The following SSH2 variants were observed in gnomAD, a reference collection of about 807,000 sequenced individuals.
SSH2 encodes the protein protein phosphatase Slingshot homolog 2.
A neutral mutation model predicts 135.2 loss-of-function variants in SSH2; 37 were observed. The ratio of observed to expected loss-of-function variants is 0.27; its 90% CI spans 0.21 to 0.36. The LOEUF is 0.36. Ranked by LOEUF, SSH2 falls within the 10% of genes least tolerant of loss-of-function variation. The pLI is 1.00. For synonymous variants in SSH2, 628 were observed against 646.2 expected (o/e 0.97, Z 0.43); for missense variants, 1,408 against 1,765.3 (o/e 0.80, Z 3.63).
chr17:29,858,421 A>C (rs1157279962), intron 1 of SSH2, among the ~76,000 whole-genome samples: 1 of 152,228 alleles, frequency 6.6e-6, no homozygotes, highest in Non-Finnish European at 1.5e-5. Context: ...CACATGTTTA[A>C]GTTTCAATCC....
At chr17:29,701,941 C>T (rs377216421) in intron 4 of SSH2, among the ~76,000 whole-genome samples, 58 of 148,780 alleles carry the variant, frequency 3.9e-4, no homozygotes, top group Admixed American at 8.1e-4. Flanking sequence ...TTGCCCAGGC[C>T]GGTCTCAAAG....
chr17:29,696,655 A>G (rs1192493182), intron 4 of SSH2, among the ~76,000 whole-genome samples: 1 of 143,964 alleles, frequency 6.9e-6, no homozygotes, highest in Non-Finnish European at 1.5e-5. Flanking sequence ...ACACCTATGT[A>G]TGTATATATA....
At chr17:29,797,291 A>C (rs182581596) in intron 2 of SSH2, among the ~76,000 whole-genome samples, 186 of 152,304 alleles carry the variant, frequency 1.2e-3, no homozygotes, top group African/African-American at 4.3e-3. Context: ...TTCCCAGTCA[A>C]AATGTGGCAC....
chr17:29,900,113 C>A (rs886531141), intron 1 of SSH2, among the ~76,000 whole-genome samples: 2 of 152,156 alleles, frequency 1.3e-5, no homozygotes, highest in African/African-American at 2.4e-5. Flanking sequence ...CTTCCTTACA[C>A]CTTATACAAA....
At chr17:29,711,003 G>A (rs951733929) in intron 3 of SSH2, among the ~76,000 whole-genome samples, 3 of 152,158 alleles carry the variant, frequency 2.0e-5, no homozygotes, top group Non-Finnish European at 4.4e-5. Context: ...CCCTCTCCCT[G>A]AGGGCATTGA....
intron 3 of SSH2, among the ~76,000 whole-genome samples, chr17:29,724,926 A>G (rs1430723478): frequency 6.6e-6 from 1 of 151,814 alleles, no homozygotes; most frequent in Non-Finnish European, 1.5e-5. Context: ...TTGATTCTGA[A>G]ACTCAGTTTG....
intron 5 of SSH2, among the ~76,000 whole-genome samples, 169 bp from the exon 6 acceptor site, chr17:29,684,853 G>A (rs2038145033): frequency 6.6e-6 from 1 of 152,172 alleles, no homozygotes; most frequent in Non-Finnish European, 1.5e-5. Flanking sequence ...AAAAACTTTG[G>A]TAAGTTACTA....
At chr17:29,634,543 GATTATTATT>G (rs138491296) in intron 15 of SSH2, among the ~76,000 whole-genome samples, 2 of 151,136 alleles carry the variant, frequency 1.3e-5, no homozygotes, top group Non-Finnish European at 3.0e-5. Context: ...ATTTCCTTTT[GATTATTATT>G]ATTATTATTA....
intron 15 of SSH2, among the ~76,000 whole-genome samples, chr17:29,635,651 G>A (rs543864240): frequency 3.0e-4 from 45 of 151,978 alleles, no homozygotes; most frequent in Middle Eastern, 3.4e-3. Flanking sequence ...CTTGTGATCC[G>A]CCCGCCTTGG....
At chr17:29,747,581 A>C (rs1422523983) in intron 3 of SSH2, among the ~76,000 whole-genome samples, 1 of 152,232 alleles carries the variant, frequency 6.6e-6, no homozygotes. Flanking sequence ...TGTTCTTAGC[A>C]TATTTCTTTA....
At chr17:29,903,122 G>C (rs1229791364) in intron 1 of SSH2, among the ~76,000 whole-genome samples, 1 of 151,736 alleles carries the variant, frequency 6.6e-6, no homozygotes, top group Admixed American at 6.6e-5. Context: ...AGAAGTAGAG[G>C]CTGCAGTGAG....
At chr17:29,655,078 G>T (rs1159297575) in intron 12 of SSH2, among the ~76,000 whole-genome samples, 4 of 152,024 alleles carry the variant, frequency 2.6e-5, no homozygotes, top group Non-Finnish European at 5.9e-5. Flanking sequence ...GAGGTGGGGG[G>T]ACGAAACAGG....
rs775101877 is a variant in SSH2 at position 29,630,883 on chromosome 17, A to T, written c.4311T>A (p.Asn1437Lys). The change falls in exon 16 of 16, where the codon AAT becomes AAA. Residue 1437 changes from asparagine to lysine, a missense_variant. Around this residue, in one of 3 missense-constraint regions of SSH2, gnomAD observed 1,080 missense variants for 1,144.5 expected, o/e 0.94. Coordinates refer to ENST00000540801, the MANE Select transcript of SSH2 (RefSeq NM_001282129.2). The part of the protein sequence containing the change: ...THPLRRLKKA[N>K]DKKRTTNPFY... ...AGGGGTTGGTTGTCCGTTTTTTGTC[A>T]TTTGCCTTTTTCAGTCTCCTAAGGG... The T allele has an allele frequency of 4.5e-6, 7 of 1,572,228 alleles. No individual in the cohort carries two copies. The Admixed American group carries it at 7.4e-5, about 17-fold the overall frequency.
At chr17:29,757,129 G>A (rs1380568192) in intron 3 of SSH2, among the ~76,000 whole-genome samples, 1 of 152,108 alleles carries the variant, frequency 6.6e-6, no homozygotes, top group Non-Finnish European at 1.5e-5. Flanking sequence ...CTTCACTTAG[G>A]ACCCTAAATC....
At position 29,896,842 on chromosome 17, in the gene SSH2, G is replaced by A. The variant is rs187543767; in HGVS notation, c.63+33096C>T. Among the ~76,000 whole-genome samples, 429 of 151,782 alleles carry A rather than the reference G, an allele frequency of 2.8e-3. 1 individual carries two copies. Among genetic ancestry groups the A allele is most frequent in the Non-Finnish European group, 4.4e-3 (299 of 67,844 alleles). On this transcript the variant is annotated intron_variant, in intron 1 of 15. Transcript: ENST00000540801. The stretch of plus-strand genomic sequence containing the variant: ...ACTGTCTTATTTTAGTAATGAGTAA[G>A]TCTGTAATTAAATGAGATTAACAGT...
chr17:29,878,390 G>A (rs1323539220), intron 1 of SSH2, among the ~76,000 whole-genome samples: 5 of 152,156 alleles, frequency 3.3e-5, no homozygotes, highest in Middle Eastern at 3.2e-3. Context: ...TTGTGCCATT[G>A]CACTCCAGCC....
intron 9 of SSH2, among the ~76,000 whole-genome samples, chr17:29,671,444 T>A (rs972880410): frequency 6.6e-6 from 1 of 152,106 alleles, no homozygotes; most frequent in Non-Finnish European, 1.5e-5. Flanking sequence ...ATTGTGCCAC[T>A]GCACTCCAGC....
At chr17:29,903,285 A>T (rs887385749) in intron 1 of SSH2, among the ~76,000 whole-genome samples, 2 of 147,744 alleles carry the variant, frequency 1.4e-5, no homozygotes, top group African/African-American at 4.9e-5. Context: ...ATATATTTAA[A>T]ATATATATAT....
intron 14 of SSH2, among the ~76,000 whole-genome samples, chr17:29,646,788 A>G (rs2036387712): frequency 6.6e-6 from 1 of 151,828 alleles, no homozygotes; most frequent in Admixed American, 6.6e-5. Flanking sequence ...GTGAGCCACC[A>G]CGCCCGGCCA....
Sources: allele counts gnomAD v4.1 joint callset (sites outside exome capture counted in the v4.1 genomes callset), GRCh38; gene constraint gnomAD v4.1.1; regional missense constraint gnomAD v4.1.1; transcripts MANE v1.5; gene names NCBI Gene and HGNC (gene_info 2026-07-23, HGNC 2026-07-21).